The following RAD21L1 variants were observed in gnomAD, a reference collection of about 807,000 sequenced individuals.
The protein encoded by RAD21L1 is double-strand-break repair protein rad21-like protein 1.
In RAD21L1, 47 loss-of-function variants were observed where a neutral mutation model predicts 69.0. The ratio of observed to expected loss-of-function variants is 0.68; its 90% CI spans 0.54 to 0.87. RAD21L1 has a LOEUF of 0.87. Ranked by LOEUF, RAD21L1 falls within the 40% of genes least tolerant of loss-of-function variation. RAD21L1 has a pLI of 0.00. For missense variants in RAD21L1, 583 were observed against 647.6 expected (o/e 0.90, Z 1.08); for synonymous variants, 177 against 205.8 (o/e 0.86, Z 1.20).
At chr20:1,243,979 A>G in intron 10 of RAD21L1, 67 bp from the exon 11 acceptor site, 3 of 1,389,464 alleles carry the variant, frequency 2.2e-6, no homozygotes, top group Non-Finnish European at 3.0e-6. Context: ...CTTTTGTTAC[A>G]ACCATATCAC....
chr20:1,229,495 A>C (rs1393709436), intron 2 of RAD21L1, among the ~76,000 whole-genome samples: 1 of 152,228 alleles, frequency 6.6e-6, no homozygotes, highest in South Asian at 2.1e-4. Flanking sequence ...AGCCTGGGTG[A>C]CAGAGCGAGA....
intron 6 of RAD21L1, 127 bp from the exon 7 acceptor site, chr20:1,239,185 C>T (rs2087557977): frequency 3.4e-6 from 2 of 592,062 alleles, no homozygotes; most frequent in Non-Finnish European, 5.9e-6. Context: ...TTTTAAAATT[C>T]TCTAGTTCAC....
intron 13 of RAD21L1, 74 bp from the exon 14 acceptor site, chr20:1,254,195 A>G (rs2087889208): frequency 9.3e-6 from 9 of 972,626 alleles, no homozygotes; most frequent in Non-Finnish European, 5.8e-6. Context: ...GTTGTTTATT[A>G]CGCATTTATA....
At position 1,246,860 on chromosome 20, in the gene RAD21L1, T is replaced by A. The variant is rs1230957023; in HGVS notation, c.1401+555T>A. On this transcript the variant is annotated intron_variant, in intron 12 of 13. Coordinates refer to ENST00000683101, the MANE Select transcript of RAD21L1 (RefSeq NM_001384355.1). The surrounding 1 kb of genome is among the most constrained non-coding windows in gnomAD (Gnocchi z 4.6). ...ACTCCCTGCTTATTAACTGTCTTAT[T>A]TCTCTGGTATTATCCCAGCATACTG... is the stretch of plus-strand genomic sequence containing the variant. Among the ~76,000 whole-genome samples the A allele has an allele frequency of 2.6e-5, 4 of 152,182 alleles. No individual in the cohort carries two copies. The highest frequency in any genetic ancestry group is 5.9e-5 in the Non-Finnish European group (4 of 68,028).
intron 8 of RAD21L1, among the ~76,000 whole-genome samples, chr20:1,241,002 T>C (rs1311554498): frequency 6.6e-6 from 1 of 152,194 alleles, no homozygotes; most frequent in East Asian, 1.9e-4. Context: ...GCCCTTGAAT[T>C]CTTTTCCTGG....
At chr20:1,230,088 TC>T (rs2087359802) in intron 3 of RAD21L1, 79 bp downstream of exon 3, 2 of 1,073,376 alleles carry the variant, frequency 1.9e-6, no homozygotes, top group African/African-American at 1.6e-5. Flanking sequence ...TTAATATACT[TC>T]AGGCTAGTAT....
intron 4 of RAD21L1, among the ~76,000 whole-genome samples, chr20:1,233,193 C>G (rs768819501): frequency 1.3e-5 from 2 of 152,156 alleles, no homozygotes; most frequent in Non-Finnish European, 2.9e-5. Flanking sequence ...GTAGTTGACT[C>G]TCCGGGTCTG....
intron 7 of RAD21L1, 138 bp downstream of exon 7, chr20:1,239,545 A>G (rs1342047389): frequency 1.8e-6 from 1 of 560,820 alleles, no homozygotes; most frequent in African/African-American, 1.9e-5. Context: ...CTGACTGTAG[A>G]CAATATAAAA....
At chr20:1,226,990 G>A (rs747859789) in intron 1 of RAD21L1, among the ~76,000 whole-genome samples, 10 of 152,154 alleles carry the variant, frequency 6.6e-5, no homozygotes, top group Non-Finnish European at 1.5e-4. Context: ...GCTCATTGCA[G>A]CCTCCGTCTC....
At chr20:1,232,434 T>C (rs2087410620) in intron 4 of RAD21L1, among the ~76,000 whole-genome samples, 1 of 152,160 alleles carries the variant, frequency 6.6e-6, no homozygotes, top group Non-Finnish European at 1.5e-5. Context: ...AGAAAGTTAT[T>C]GTAGTAAGAA....
rs1460774062 is a variant in RAD21L1 at position 1,229,907 on chromosome 20, C to G, written c.172C>G (p.His58Asp). 26 of 1,548,728 alleles carry G rather than the reference C, an allele frequency of 1.7e-5. No homozygotes were observed. Among genetic ancestry groups the G allele is most frequent in the Non-Finnish European group, 1.7e-5 (20 of 1,144,756 alleles). The change falls in exon 3 of 14, where the codon CAC (histidine) becomes GAC (aspartate). Residue 58 changes from histidine (H) to aspartate (D), a missense_variant. By Grantham distance (81) the His-to-Asp change is moderately conservative. Coordinates refer to ENST00000683101, the MANE Select transcript of RAD21L1 (RefSeq NM_001384355.1). Reference sequence around the variant, plus strand: ...GAAAATAGCACTTCGAACTTCAGGACACCTTCTTTTGGGAGTTGTTCGAAT... The same window carrying G: ...GAAAATAGCACTTCGAACTTCAGGAGACCTTCTTTTGGGAGTTGTTCGAAT... ...KVKIALRTSG[H>D]LLLGVVRIYN...
intron 1 of RAD21L1, among the ~76,000 whole-genome samples, chr20:1,227,731 G>A (rs2087295005): frequency 1.3e-5 from 2 of 152,136 alleles, no homozygotes; most frequent in Admixed American, 6.5e-5. Flanking sequence ...TTTGTTTTAA[G>A]TGAAGGTTTT....
In RAD21L1 at chr20:1,240,673, T is replaced by G. The variant is rs971910994; in HGVS notation, c.856+239T>G. On this transcript the variant is annotated intron_variant, in intron 8 of 13. Coordinates refer to ENST00000683101, the MANE Select transcript of RAD21L1 (RefSeq NM_001384355.1). ...GACCAGATGAGGACTAGTTACAAGGTGGGTGGGGGGAGCTTTCAATCACAC... is the reference window on the plus strand; with the variant it reads ...GACCAGATGAGGACTAGTTACAAGGGGGGTGGGGGGAGCTTTCAATCACAC... Among the ~76,000 whole-genome samples the G allele has an allele frequency of 2.0e-5, 3 of 152,052 alleles. No individual in the cohort carries two copies. The East Asian group carries it at 5.8e-4, about 29-fold the overall frequency.
At chr20:1,248,107 C>CAG (rs1159056861) in intron 12 of RAD21L1, among the ~76,000 whole-genome samples, 1 of 144,588 alleles carries the variant, frequency 6.9e-6, no homozygotes, top group African/African-American at 2.6e-5. Flanking sequence ...GTCCAAGGCA[C>CAG]AGATGCCTTG....
chr20:1,241,032 T>C (rs942641922), intron 8 of RAD21L1, among the ~76,000 whole-genome samples: 1 of 152,212 alleles, frequency 6.6e-6, no homozygotes, highest in Admixed American at 6.5e-5. Context: ...AGAACCCAGA[T>C]GGGCTAAGCT....
chr20:1,250,002 C>CGCTGTGT (rs2122157509), intron 13 of RAD21L1, among the ~76,000 whole-genome samples: 1 of 130,260 alleles, frequency 7.7e-6, no homozygotes, highest in Non-Finnish European at 1.6e-5. Context: ...CTATCCCTCC[C>CGCTGTGT]CCCTCCCCCG....
At chr20:1,238,778 G>A (rs1433040116) in intron 6 of RAD21L1, among the ~76,000 whole-genome samples, 3 of 151,938 alleles carry the variant, frequency 2.0e-5, no homozygotes, top group South Asian at 2.1e-4. Flanking sequence ...CATAGAAATC[G>A]GGTAGAGAAA....
In RAD21L1 at chr20:1,244,139, A is replaced by G. The variant is rs866794056; in HGVS notation, c.1277A>G (p.His426Arg). The change falls in exon 11 of 14, where the codon CAT becomes CGT. Residue 426 changes from histidine (H) to arginine (R), a missense_variant. His to Arg is a conservative substitution (Grantham distance 29, BLOSUM62 0). Transcript: ENST00000683101. ...DVIGGSQHSS[H>R]EDTNKNINSE... Reference sequence around the variant, plus strand: ...ATTGGTGGATCTCAGCATAGCTCTCATGAGGATACCAATAAAAATATTAAC... The same window carrying G: ...ATTGGTGGATCTCAGCATAGCTCTCGTGAGGATACCAATAAAAATATTAAC... 6.5e-7 allele frequency: 1 copy of G among 1,546,556 alleles called. No individual in the cohort carries two copies. The highest frequency in any genetic ancestry group is 8.7e-7 in the Non-Finnish European group (1 of 1,143,294).
intron 9 of RAD21L1, 75 bp from the exon 10 acceptor site, chr20:1,243,022 A>T: frequency 9.9e-7 from 1 of 1,008,518 alleles, no homozygotes; most frequent in Non-Finnish European, 1.4e-6. Flanking sequence ...TTTCCTTTTT[A>T]GATATGTGCT....
Sources: allele counts gnomAD v4.1 joint callset (sites outside exome capture counted in the v4.1 genomes callset), GRCh38; gene constraint gnomAD v4.1.1; non-coding constraint Gnocchi (gnomAD v3.1); transcripts MANE v1.5; gene names NCBI Gene and HGNC (gene_info 2026-07-23, HGNC 2026-07-21).